Variants in BIRC6 observed in about 807,000 individuals in gnomAD.
BIRC6 encodes baculoviral IAP repeat containing 6.
A neutral mutation model predicts 503.3 loss-of-function variants in BIRC6; 98 were observed. That is an observed-to-expected ratio of 0.19 (90% CI 0.17 to 0.23). The LOEUF (loss-of-function observed/expected upper bound fraction) is 0.23, where lower values mean the gene tolerates loss of function less well. BIRC6 is among the 10% of genes least tolerant of loss of function. The pLI is 1.00. For missense variants in BIRC6, 5,360 were observed against 5,806.0 expected (o/e 0.92, Z 2.50); for synonymous variants, 2,240 against 2,078.7 (o/e 1.08, Z -2.11).
At chr2:32,573,890 C>G (rs1436550182) in intron 65 of BIRC6, among the ~76,000 whole-genome samples, 1 of 152,022 alleles carries the variant, frequency 6.6e-6, no homozygotes, top group Admixed American at 6.6e-5. Flanking sequence ...AAATATGTTT[C>G]CAGCCATAAT....
At chr2:32,465,249 A>ATTTT (rs11353879) in intron 26 of BIRC6, 85 bp downstream of exon 26, 6 of 272,688 alleles carry the variant, frequency 2.2e-5, no homozygotes, top group African/African-American at 1.4e-4. Flanking sequence ...CTTCAGTTCG[A>ATTTT]TTTTTTTTTT....
At position 32,508,257 on chromosome 2, in the gene BIRC6, A is replaced by G; in HGVS notation, c.9978A>G (p.Thr3326=). 7.4e-7 allele frequency: 1 copy of G among 1,355,094 alleles called. No homozygotes were observed. Among genetic ancestry groups the G allele is most frequent in the African/African-American group, 1.8e-5 (1 of 56,888 alleles). The allele number at this position is 1,355,094 out of a possible 1,614,324, so 83.9% of individuals were successfully genotyped here. Residue 3326 remains threonine (T), a splice_region_variant and synonymous_variant, in exon 51 of 74, where the codon ACA becomes ACG. Transcript: ENST00000421745. Reference sequence around the variant, plus strand: ...CATCTGAAGATCAGGTATCCAAAACAAGGTATGTTTTGTTTGTCCTTTTTT... The same window carrying G: ...CATCTGAAGATCAGGTATCCAAAACGAGGTATGTTTTGTTTGTCCTTTTTT... ...FLPSEDQVSK[T]SIGWLRLLHH...
Position 32,617,854 on chromosome 2 carries a change from C to G in BIRC6, c.14524C>G (p.Gln4842Glu), listed in dbSNP as rs1559167842. The change falls in exon 74 of 74, where the codon CAG becomes GAG. Residue 4842 changes from glutamine to glutamate, a missense_variant. Gln to Glu is a conservative substitution (Grantham distance 29, BLOSUM62 2). Transcript: ENST00000421745. Reference protein sequence around the residue: ...TGAEETLMHDQVKPSSSKELP... With the variant: ...TGAEETLMHDEVKPSSSKELP... ...TGCTGAGGAGACTCTAATGCATGAT[C>G]AGGTTAAACCCAGCAGCAGCAAAGA... The G allele has an allele frequency of 1.2e-6, 2 of 1,613,912 alleles. No homozygotes were observed. Among genetic ancestry groups the G allele is most frequent in the East Asian group, 2.2e-5 (1 of 44,876 alleles).
At chr2:32,378,272 T>C (rs1012965895) in intron 2 of BIRC6, among the ~76,000 whole-genome samples, 2 of 152,124 alleles carry the variant, frequency 1.3e-5, no homozygotes, top group African/African-American at 2.4e-5. Context: ...TCATTTGTTC[T>C]TGTTCTCTTT....
chr2:32,520,414 G>A (rs186270737), intron 57 of BIRC6, among the ~76,000 whole-genome samples: 16 of 152,252 alleles, frequency 1.1e-4, no homozygotes, highest in African/African-American at 3.4e-4. Flanking sequence ...GAAAATGACT[G>A]CCTTATCTGT....
At chr2:32,387,831 G>T (rs1165848508) in intron 3 of BIRC6, among the ~76,000 whole-genome samples, 1 of 152,070 alleles carries the variant, frequency 6.6e-6, no homozygotes, top group Non-Finnish European at 1.5e-5. Context: ...TTAATTTTTG[G>T]TGATATATAT....
At chr2:32,433,447 T>A (rs1442733834) in intron 12 of BIRC6, among the ~76,000 whole-genome samples, 197 bp from the exon 13 acceptor site, 3 of 152,182 alleles carry the variant, frequency 2.0e-5, no homozygotes, top group African/African-American at 7.2e-5. Flanking sequence ...GGTGTAGATT[T>A]CTAAAGTAAG....
intron 10 of BIRC6, among the ~76,000 whole-genome samples, chr2:32,422,118 G>A (rs2043015919): frequency 6.6e-6 from 1 of 152,030 alleles, no homozygotes; most frequent in Admixed American, 6.6e-5. Context: ...TTTTCTTATG[G>A]TTACAGTTTG....
At chr2:32,466,282 T>C (rs926602653) in intron 26 of BIRC6, among the ~76,000 whole-genome samples, 1 of 152,220 alleles carries the variant, frequency 6.6e-6, no homozygotes, top group Non-Finnish European at 1.5e-5. Flanking sequence ...TATGACATTA[T>C]TAATGATCTG....
In BIRC6 at chr2:32,401,405, T is replaced by A; in HGVS notation, c.1257+20T>A. ...ATGAAGGTATGTTTGAATTTTGAAG[T>A]AACAAATTAGTAATTGAAAAAAGAT... is the stretch of plus-strand genomic sequence containing the variant. On this transcript the variant is annotated intron_variant, in intron 7 of 73. Transcript: ENST00000421745. The A allele has an allele frequency of 6.2e-7, 1 of 1,613,034 alleles. No homozygotes were observed. The highest frequency in any genetic ancestry group is 2.2e-5 in the East Asian group (1 of 44,876).
intron 71 of BIRC6, among the ~76,000 whole-genome samples, chr2:32,606,999 C>A (rs2062506428): frequency 6.8e-6 from 1 of 146,948 alleles, no homozygotes. Flanking sequence ...AAGAGTGAAA[C>A]TCAGTCTTAT....
chr2:32,369,311 A>G (rs1385535374), intron 1 of BIRC6, among the ~76,000 whole-genome samples: 1 of 152,208 alleles, frequency 6.6e-6, no homozygotes, highest in Non-Finnish European at 1.5e-5. Context: ...AGTAATTTCA[A>G]ATATGAGCTC....
intron 23 of BIRC6, among the ~76,000 whole-genome samples, chr2:32,459,812 T>G (rs1350097379): frequency 6.6e-6 from 1 of 151,902 alleles, no homozygotes; most frequent in Non-Finnish European, 1.5e-5. Context: ...GTTATATATT[T>G]AATTGTTATG....
At chr2:32,389,961 G>A (rs574619450) in intron 4 of BIRC6, among the ~76,000 whole-genome samples, 1 of 152,004 alleles carries the variant, frequency 6.6e-6, no homozygotes, top group African/African-American at 2.4e-5. Context: ...CCAGATTCAA[G>A]CAATTCTCCT....
chr2:32,408,323 T>C (rs895497791), intron 9 of BIRC6, among the ~76,000 whole-genome samples: 1 of 152,130 alleles, frequency 6.6e-6, no homozygotes, highest in African/African-American at 2.4e-5. Context: ...GTGGCCAGGC[T>C]GGTCTCGAGC....
intron 68 of BIRC6, among the ~76,000 whole-genome samples, 176 bp from the exon 69 acceptor site, chr2:32,597,557 CATCCATCTGGCAGTGCTA>C (rs1197594808): frequency 4.6e-5 from 7 of 152,170 alleles, no homozygotes; most frequent in Non-Finnish European, 7.3e-5. Context: ...GACAAGAGTC[CATCCATCTGGCAGTGCTA>C]ATCCATCTGG....
chr2:32,584,588 A>G lies in BIRC6; in HGVS notation c.13355+9222A>G, dbSNP rs554719255. On this transcript the variant is annotated intron_variant, in intron 66 of 73. Transcript: ENST00000421745. ...AAACCTAAACAATAAAAAGTGGAGC[A>G]TATCAGGATGCTGGCATTGTATGTT... Among the ~76,000 whole-genome samples, 7 of 152,346 alleles carry G rather than the reference A, an allele frequency of 4.6e-5. No homozygotes were observed. In the South Asian group the frequency reaches 6.2e-4, roughly 14 times the overall value.
intron 23 of BIRC6, among the ~76,000 whole-genome samples, chr2:32,456,990 C>T (rs1053201864): frequency 6.6e-6 from 1 of 151,964 alleles, no homozygotes; most frequent in Non-Finnish European, 1.5e-5. Context: ...GTCTTGGGCT[C>T]GAATGTCCCT....
Position 32,529,367 on chromosome 2 carries a change from A to G in BIRC6, c.11921-284A>G, listed in dbSNP as rs79993523. 8.1e-3 allele frequency: 2,248 copies of G among 277,704 alleles called. 27 individuals are homozygous for G. Among genetic ancestry groups the G allele is most frequent in the Middle Eastern group, 0.052 (47 of 898 alleles). 17.2% of individuals were successfully genotyped at this position (277,704 alleles called of 1,614,324 possible). On this transcript the variant is annotated intron_variant, in intron 59 of 73. Coordinates refer to ENST00000421745, the MANE Select transcript of BIRC6 (RefSeq NM_016252.4). Reference sequence around the variant, plus strand: ...TAAAGTATTTATTAGCTGTCCTTTTATAGAAAAAAATGTCCCACATCAGAT... The same window carrying G: ...TAAAGTATTTATTAGCTGTCCTTTTGTAGAAAAAAATGTCCCACATCAGAT...
Sources: gnomAD v4.1 joint callset for allele counts (sites outside exome capture counted in the v4.1 genomes callset) on GRCh38, gnomAD v4.1.1 for gene constraint, MANE v1.5 for transcripts, NCBI Gene and HGNC (gene_info 2026-07-23, HGNC 2026-07-21) for gene names.